TRPM3: variants seen among roughly 807,000 people sequenced by gnomAD.
TRPM3 encodes the protein transient receptor potential cation channel subfamily M member 3, also known as long transient receptor potential channel 3.
Under a neutral mutation model 181.2 loss-of-function variants are expected in TRPM3, and 77 were observed. That is an observed-to-expected ratio of 0.42 (90% confidence interval 0.35 to 0.51). The LOEUF is 0.51. Among genes scored for constraint, TRPM3 ranks in the 20% least tolerant of loss-of-function variants. TRPM3 has a pLI of 0.01. For synonymous variants in TRPM3, 745 were observed against 796.4 expected (o/e 0.94, Z 1.09); for missense variants, 1,759 against 2,196.7 (o/e 0.80, Z 3.98).
chr9:70,897,836 T>C (rs1332825723), intron 1 of TRPM3, among the ~76,000 whole-genome samples: 2 of 152,226 alleles, frequency 1.3e-5, no homozygotes, highest in African/African-American at 4.8e-5. Context: ...TAATAGCGCA[T>C]TGGCCATTAA....
intron 2 of TRPM3, among the ~76,000 whole-genome samples, chr9:70,864,205 C>T (rs1209085764): frequency 2.0e-5 from 3 of 151,918 alleles, no homozygotes; most frequent in Non-Finnish European, 4.4e-5. Context: ...TAATTCCTTC[C>T]ACAATGGTAT....
chr9:71,183,037 A>C (rs1454089788), intron 1 of TRPM3, among the ~76,000 whole-genome samples: 1 of 152,212 alleles, frequency 6.6e-6, no homozygotes, highest in African/African-American at 2.4e-5. Context: ...AAAAGAAAAG[A>C]AAAAGATATT....
At chr9:70,540,794 T>G (rs1252259528) in intron 25 of TRPM3, among the ~76,000 whole-genome samples, 2 of 152,182 alleles carry the variant, frequency 1.3e-5, no homozygotes, top group African/African-American at 4.8e-5. Context: ...ACGATCATGG[T>G]TCACTGTAGT....
chr9:70,803,033 T>TAAAAA (rs78461560), intron 6 of TRPM3, among the ~76,000 whole-genome samples: 3,828 of 42,510 alleles, frequency 0.09, 431 homozygotes, highest in Non-Finnish European at 0.11. Context: ...AGAAATTTTG[T>TAAAAA]AAAAAAAAAA....
intron 1 of TRPM3, among the ~76,000 whole-genome samples, chr9:71,105,744 A>C (rs545395491): frequency 2.0e-5 from 3 of 152,324 alleles, no homozygotes; most frequent in Admixed American, 2.0e-4. Context: ...TTCTCTTCTC[A>C]GCCAGAAAAG....
chr9:70,661,282 CTTACT>C (rs1446980668), intron 9 of TRPM3, among the ~76,000 whole-genome samples: 2 of 151,888 alleles, frequency 1.3e-5, no homozygotes, highest in African/African-American at 2.4e-5. Flanking sequence ...ATAGAAGGGA[CTTACT>C]TTAAAGTAAT....
rs577213355 is a variant in TRPM3 at position 71,404,196 on chromosome 9, G to T, written c.183+42457C>A. On this transcript the variant is annotated intron_variant, in intron 1 of 24. Coordinates refer to the TRPM3 transcript ENST00000357533. The stretch of plus-strand genomic sequence containing the variant: ...TAAAAATGTCTATGTCCTTGGCATC[G>T]TGCCTAAATAAGTAGCAGCTCAATA... 7.2e-5 allele frequency among the ~76,000 whole-genome samples: 11 copies of T among 152,250 alleles called. No individual in the cohort carries two copies. The South Asian group carries it at 2.1e-3, about 29-fold the overall frequency.
At chr9:71,245,125 G>A (rs758673169) in intron 1 of TRPM3, among the ~76,000 whole-genome samples, 1 of 152,058 alleles carries the variant, frequency 6.6e-6, no homozygotes, top group Non-Finnish European at 1.5e-5. Flanking sequence ...GTAGAAAGGT[G>A]GTTTTGTGTC....
chr9:70,824,038 G>A (rs1458733091), intron 6 of TRPM3, among the ~76,000 whole-genome samples: 1 of 152,220 alleles, frequency 6.6e-6, no homozygotes, highest in Non-Finnish European at 1.5e-5. Context: ...TATGTTTTCA[G>A]TGATCATTGC....
At chr9:71,149,242 A>G (rs1254456080) in intron 1 of TRPM3, among the ~76,000 whole-genome samples, 1 of 152,094 alleles carries the variant, frequency 6.6e-6, no homozygotes, top group Non-Finnish European at 1.5e-5. Context: ...TCTACAAAAA[A>G]TAATTTAAAA....
intron 1 of TRPM3, among the ~76,000 whole-genome samples, chr9:70,981,764 C>A (rs889892014): frequency 2.6e-5 from 4 of 152,156 alleles, no homozygotes; most frequent in African/African-American, 9.7e-5. Flanking sequence ...ATGATAACAT[C>A]TTTTCCCCCA....
intron 1 of TRPM3, among the ~76,000 whole-genome samples, chr9:71,288,426 GACAA>G (rs959891294): frequency 3.9e-5 from 6 of 151,996 alleles, no homozygotes; most frequent in South Asian, 2.1e-4. Context: ...TATACAGGGA[GACAA>G]ACAGACAAAG....
intron 1 of TRPM3, among the ~76,000 whole-genome samples, chr9:71,364,898 T>C (rs1036990165): frequency 3.9e-5 from 6 of 152,170 alleles, no homozygotes; most frequent in African/African-American, 1.2e-4. Context: ...TTCATAAGCA[T>C]TTGCATGGGG....
chr9:70,668,218 CG>C (rs2062129355), intron 9 of TRPM3, among the ~76,000 whole-genome samples: 3 of 152,080 alleles, frequency 2.0e-5, no homozygotes, highest in South Asian at 2.1e-4. Flanking sequence ...ACTGGGTTCA[CG>C]TATAGATTCC....
At chr9:71,022,525 T>C (rs2097855246) in intron 1 of TRPM3, among the ~76,000 whole-genome samples, 2 of 151,932 alleles carry the variant, frequency 1.3e-5, no homozygotes, top group African/African-American at 4.8e-5. Flanking sequence ...CAAGACTCTA[T>C]CTCTATAAAA....
At chr9:70,874,924 T>A (rs1193782665) in intron 1 of TRPM3, among the ~76,000 whole-genome samples, 1 of 151,946 alleles carries the variant, frequency 6.6e-6, no homozygotes, top group Non-Finnish European at 1.5e-5. Context: ...TGCACACCAT[T>A]TTTATTTTTA....
intron 1 of TRPM3, among the ~76,000 whole-genome samples, chr9:71,028,883 T>G (rs189641550): frequency 1.3e-5 from 2 of 152,104 alleles, no homozygotes; most frequent in Admixed American, 1.3e-4. Context: ...GGGAGAAAAC[T>G]AACAAAAGTA....
At chr9:71,364,177 C>A (rs1042242719) in intron 1 of TRPM3, among the ~76,000 whole-genome samples, 3 of 149,584 alleles carry the variant, frequency 2.0e-5, no homozygotes, top group African/African-American at 7.4e-5. Flanking sequence ...AAGACTACAA[C>A]AATAAAAAGA....
chr9:70,610,313 G>A (rs1191655937), intron 19 of TRPM3, among the ~76,000 whole-genome samples: 2 of 152,144 alleles, frequency 1.3e-5, no homozygotes, highest in Non-Finnish European at 2.9e-5. Flanking sequence ...GAAGTATTTC[G>A]GAAAAGAACA....
Sources: gnomAD v4.1 joint callset for allele counts (sites outside exome capture counted in the v4.1 genomes callset) on GRCh38, gnomAD v4.1.1 for gene constraint, MANE v1.5 for transcripts, NCBI Gene and HGNC (gene_info 2026-07-23, HGNC 2026-07-21) for gene names.